ITGA1: variants seen among roughly 807,000 people sequenced by gnomAD.
The protein encoded by ITGA1 is integrin alpha-1.
ITGA1 carries 85 observed loss-of-function variants against 145.9 expected under a neutral mutation model. The ratio of observed to expected loss-of-function variants is 0.58; its 90% CI spans 0.49 to 0.70. The LOEUF is 0.70. Among genes scored for constraint, ITGA1 ranks in the 30% least tolerant of loss-of-function variants. The pLI is 0.00. For missense variants in ITGA1, 1,351 were observed against 1,418.7 expected, an observed-to-expected ratio of 0.95 and a Z score of 0.77; for synonymous variants, 520 against 495.3, an observed-to-expected ratio of 1.05 and a Z score of -0.66.
chr5:52,832,407 T>C (rs1749085549), intron 1 of ITGA1, among the ~76,000 whole-genome samples: 1 of 152,172 alleles, frequency 6.6e-6, no homozygotes, highest in Non-Finnish European at 1.5e-5. Context: ...AAATCTTTGG[T>C]TGGAGTAGAA....
intron 1 of ITGA1, among the ~76,000 whole-genome samples, chr5:52,833,554 T>G (rs1284724536): frequency 6.6e-6 from 1 of 152,232 alleles, no homozygotes; most frequent in Admixed American, 6.5e-5. Context: ...CATCTGATTT[T>G]ACTACCTTGC....
intron 14 of ITGA1, among the ~76,000 whole-genome samples, chr5:52,913,009 G>A (rs1156562855): frequency 1.3e-5 from 2 of 151,964 alleles, no homozygotes; most frequent in African/African-American, 2.4e-5. Flanking sequence ...GCCTCCCAAA[G>A]TGTTGGGATT....
At chr5:52,897,646 G>A in intron 10 of ITGA1, 118 bp downstream of exon 10, 2 of 673,946 alleles carry the variant, frequency 3.0e-6, no homozygotes, top group South Asian at 3.6e-5. Flanking sequence ...GAACAATTAT[G>A]CAGGCTATGA....
Position 52,959,070 on chromosome 5 carries a change from CT to C in ITGA1, c.*6620del, listed in dbSNP as rs1751341662. 6.6e-6 allele frequency: 1 copy of C among 152,086 alleles called. No homozygotes were observed. Among genetic ancestry groups the C allele is most frequent in the Non-Finnish European group, 1.5e-5 (1 of 68,004 alleles). 9.4% of individuals were successfully genotyped at this position (152,086 alleles called of 1,614,324 possible). ...TTGAATGTCCTATGTATGGCATATC[CT>C]GTACACCAATTGAAGGTCAGAGCTT... On this transcript the variant is annotated 3_prime_UTR_variant, in exon 29 of 29. Coordinates refer to ENST00000282588, the MANE Select transcript of ITGA1 (RefSeq NM_181501.2).
Position 52,944,940 on chromosome 5 carries a change from C to T in ITGA1, c.3286-3C>T, listed in dbSNP as rs759844542. The T allele has an allele frequency of 6.3e-7, 1 of 1,599,610 alleles. No homozygotes were observed. Among genetic ancestry groups the T allele is most frequent in the South Asian group, 1.1e-5 (1 of 90,728 alleles). ...TTAAGAACAAATCCTATTTGCTTTT[C>T]AGTCATATTTTTCCAGCTTAAATCT... On this transcript the variant is annotated splice_polypyrimidine_tract_variant and splice_region_variant and intron_variant, in intron 26 of 28. Coordinates refer to ENST00000282588, the MANE Select transcript of ITGA1 (RefSeq NM_181501.2).
Position 52,911,519 on chromosome 5 carries a change from ATATATATC to A in ITGA1, c.1857+1108_1857+1115del, listed in dbSNP as rs1561246256. Among the ~76,000 whole-genome samples, 27 of 124,410 alleles carry A rather than the reference ATATATATC, an allele frequency of 2.2e-4. 1 individual carries two copies. The highest frequency in any genetic ancestry group is 2.1e-4 in the Non-Finnish European group (13 of 61,322). 81.6% of individuals were successfully genotyped at this position (124,410 alleles called of 152,430 possible). A position where few individuals can be genotyped will look rare whatever the true frequency, so the allele number is the denominator to read the frequency against. ...ATATAGTAGATACACTATATATAGT[ATATATATC>A]TATATATTAGATACATATACTATAT... On this transcript the variant is annotated intron_variant, in intron 14 of 28. Coordinates refer to ENST00000282588, the MANE Select transcript of ITGA1 (RefSeq NM_181501.2).
intron 1 of ITGA1, among the ~76,000 whole-genome samples, chr5:52,831,204 C>T (rs1330882574): frequency 6.6e-6 from 1 of 152,032 alleles, no homozygotes; most frequent in Non-Finnish European, 1.5e-5. Flanking sequence ...GAAATCTTGG[C>T]TCACTGCAAC....
At chr5:52,894,756 C>T (rs181326986) in intron 9 of ITGA1, among the ~76,000 whole-genome samples, 2 of 152,066 alleles carry the variant, frequency 1.3e-5, no homozygotes, top group Non-Finnish European at 2.9e-5. Flanking sequence ...TTTAAAAGCA[C>T]TTTCTCAGTT....
At chr5:52,897,308 G>A (rs150251315) in intron 9 of ITGA1, 147 bp from the exon 10 acceptor site, 27 of 610,628 alleles carry the variant, frequency 4.4e-5, no homozygotes, top group Non-Finnish European at 7.4e-5. Flanking sequence ...ATTTTGGGTT[G>A]AGAAATGTAT....
chr5:52,872,719 C>T (rs766634611), intron 6 of ITGA1, among the ~76,000 whole-genome samples: 3 of 151,922 alleles, frequency 2.0e-5, no homozygotes, highest in African/African-American at 4.8e-5. Context: ...TGGGCCCTTG[C>T]CTTCCTTGTT....
intron 1 of ITGA1, among the ~76,000 whole-genome samples, chr5:52,813,508 A>G (rs1441851608): frequency 2.0e-5 from 3 of 152,240 alleles, no homozygotes; most frequent in African/African-American, 7.2e-5. Context: ...GAAGGCAAAG[A>G]GGCTCAGATA....
At chr5:52,950,631 T>A (rs973363066) in intron 28 of ITGA1, among the ~76,000 whole-genome samples, 7 of 152,202 alleles carry the variant, frequency 4.6e-5, no homozygotes, top group African/African-American at 1.7e-4. Flanking sequence ...CTATAAACTA[T>A]TTTCTCCTAA....
At chr5:52,799,439 G>A (rs1472521779) in intron 1 of ITGA1, among the ~76,000 whole-genome samples, 6 of 152,194 alleles carry the variant, frequency 3.9e-5, no homozygotes, top group Non-Finnish European at 7.4e-5. Context: ...GCTGCGGAAA[G>A]CTGAGGCTGC....
chr5:52,827,551 A>G (rs1358175168), intron 1 of ITGA1, among the ~76,000 whole-genome samples: 1 of 152,212 alleles, frequency 6.6e-6, no homozygotes, highest in Non-Finnish European at 1.5e-5. Context: ...AGCATTAATC[A>G]TTAGATATTC....
At chr5:52,851,856 G>A (rs186582295) in intron 2 of ITGA1, among the ~76,000 whole-genome samples, 1 of 152,252 alleles carries the variant, frequency 6.6e-6, no homozygotes, top group East Asian at 1.9e-4. Flanking sequence ...ATGTATTTAT[G>A]TAATACATTT....
chr5:52,869,245 C>T (rs1285539962), intron 6 of ITGA1, among the ~76,000 whole-genome samples: 1 of 152,178 alleles, frequency 6.6e-6, no homozygotes, highest in Non-Finnish European at 1.5e-5. Context: ...ACTGCAGCCT[C>T]CACCTTCTGG....
intron 11 of ITGA1, among the ~76,000 whole-genome samples, chr5:52,899,594 T>C (rs1454584147): frequency 3.3e-5 from 5 of 152,124 alleles, no homozygotes; most frequent in Admixed American, 1.3e-4. Flanking sequence ...AAGGAGAAAA[T>C]GACAAACTAG....
chr5:52,792,986 T>C (rs778451109), intron 1 of ITGA1, among the ~76,000 whole-genome samples: 1 of 152,150 alleles, frequency 6.6e-6, no homozygotes, highest in Non-Finnish European at 1.5e-5. Flanking sequence ...TCAGCTCCTT[T>C]ATTATGCCAG....
At chr5:52,943,909 TC>T (rs1751088989) in intron 26 of ITGA1, among the ~76,000 whole-genome samples, 1 of 152,148 alleles carries the variant, frequency 6.6e-6, no homozygotes, top group Non-Finnish European at 1.5e-5. Flanking sequence ...TCCAAAGTCC[TC>T]CCAGGTCACA....
Sources: gnomAD v4.1 joint callset for allele counts (sites outside exome capture counted in the v4.1 genomes callset) on GRCh38, gnomAD v4.1.1 for gene constraint, MANE v1.5 for transcripts, NCBI Gene and HGNC (gene_info 2026-07-23, HGNC 2026-07-21) for gene names.